The following ARB2A variants were observed in gnomAD, a reference collection of about 807,000 sequenced individuals.
ARB2A encodes ARB2 cotranscriptional regulator A, also known as cotranscriptional regulator ARB2A.
At chr5:94,024,596 G>C in the ARB2A span, among the ~76,000 whole-genome samples, 1 of 152,000 alleles carries the variant, frequency 6.6e-6, no homozygotes, top group African/African-American at 2.4e-5. Flanking sequence ...AGTAAAGGTA[G>C]AACGATATAT....
At chr5:93,906,183 A>G in the ARB2A span, among the ~76,000 whole-genome samples, 1 of 151,566 alleles carries the variant, frequency 6.6e-6, no homozygotes, top group Non-Finnish European at 1.5e-5. Context: ...AAAAACATAG[A>G]TTACAAAATC....
chr5:93,707,760 A>G, the ARB2A span, among the ~76,000 whole-genome samples: 12 of 151,940 alleles, frequency 7.9e-5, no homozygotes, highest in Non-Finnish European at 2.9e-5. Context: ...TGTTTAGTAG[A>G]GAAGGGGTTT....
the ARB2A span, among the ~76,000 whole-genome samples, chr5:94,099,139 T>G: frequency 6.6e-6 from 1 of 152,152 alleles, no homozygotes; most frequent in African/African-American, 2.4e-5. Flanking sequence ...GGGGCCAGCA[T>G]CACCTTGATC....
the ARB2A span, among the ~76,000 whole-genome samples, chr5:93,997,801 A>C: frequency 6.6e-6 from 1 of 152,176 alleles, no homozygotes. Flanking sequence ...TCCATGACTT[A>C]TACTAGTGTT....
chr5:93,820,818 A>C, the ARB2A span, among the ~76,000 whole-genome samples: 2 of 152,282 alleles, frequency 1.3e-5, no homozygotes, highest in Admixed American at 1.3e-4. Flanking sequence ...TCTTATCAAA[A>C]TTTATTTTTA....
the ARB2A span, among the ~76,000 whole-genome samples, chr5:93,822,726 T>C: frequency 1.3e-5 from 2 of 151,998 alleles, no homozygotes; most frequent in African/African-American, 2.4e-5. Context: ...TACATCATAG[T>C]AGTGTGCTAA....
At chr5:94,096,211 T>C in the ARB2A span, among the ~76,000 whole-genome samples, 5 of 152,184 alleles carry the variant, frequency 3.3e-5, no homozygotes, top group Admixed American at 3.3e-4. Context: ...AATCTAACCA[T>C]CAATCTTTTC....
At chr5:94,041,377 G>C in the ARB2A span, among the ~76,000 whole-genome samples, 1 of 152,106 alleles carries the variant, frequency 6.6e-6, no homozygotes, top group African/African-American at 2.4e-5. Context: ...CCACGTGGCC[G>C]TGCTTTCTCT....
At chr5:93,904,798 C>G in the ARB2A span, among the ~76,000 whole-genome samples, 1 of 151,648 alleles carries the variant, frequency 6.6e-6, no homozygotes, top group Non-Finnish European at 1.5e-5. Flanking sequence ...AGATTCTGAA[C>G]TCTTAAAAAT....
the ARB2A span, among the ~76,000 whole-genome samples, chr5:93,836,701 C>CT: frequency 6.6e-6 from 1 of 151,942 alleles, no homozygotes; most frequent in Non-Finnish European, 1.5e-5. Context: ...GATTAAAGTA[C>CT]TAGGTGTATA....
the ARB2A span, chr5:93,781,882 T>C: frequency 1.0e-6 from 1 of 985,398 alleles, no homozygotes; most frequent in Non-Finnish European, 1.2e-6. Context: ...CCAACACCCA[T>C]GCTTAAGACA....
the ARB2A span, among the ~76,000 whole-genome samples, chr5:94,012,841 A>G: frequency 6.6e-6 from 1 of 152,252 alleles, no homozygotes; most frequent in Non-Finnish European, 1.5e-5. Context: ...TCACAAGGAG[A>G]CAGGAGCATC....
the ARB2A span, among the ~76,000 whole-genome samples, chr5:94,101,867 T>C: frequency 6.6e-5 from 10 of 151,820 alleles, no homozygotes; most frequent in African/African-American, 2.4e-4. Context: ...CTGGGTGATG[T>C]AGTAATATGT....
the ARB2A span, among the ~76,000 whole-genome samples, chr5:93,811,659 G>A: frequency 6.6e-6 from 1 of 151,964 alleles, no homozygotes; most frequent in African/African-American, 2.4e-5. Flanking sequence ...ACTTTTAACG[G>A]GAAAAATATA....
At chr5:93,656,664 T>G in the ARB2A span, among the ~76,000 whole-genome samples, 1 of 152,174 alleles carries the variant, frequency 6.6e-6, no homozygotes, top group African/African-American at 2.4e-5. Flanking sequence ...AATAGATTTT[T>G]AAAAGAAACA....
chr5:93,900,741 A>G, the ARB2A span, among the ~76,000 whole-genome samples: 2 of 152,176 alleles, frequency 1.3e-5, no homozygotes, highest in Non-Finnish European at 2.9e-5. Context: ...GACAAACAAT[A>G]TTCACATAAG....
chr5:93,946,232 CAA>C, the ARB2A span, among the ~76,000 whole-genome samples: 1 of 151,896 alleles, frequency 6.6e-6, no homozygotes, highest in East Asian at 1.9e-4. Context: ...ATATTGAAGA[CAA>C]GAGAGAAACT....
chr5:93,788,053 C>G, the ARB2A span, among the ~76,000 whole-genome samples: 29 of 152,166 alleles, frequency 1.9e-4, no homozygotes, highest in Non-Finnish European at 1.3e-4. Flanking sequence ...CATAATTAAT[C>G]TGTTCTTTCC....
chr5:93,621,213 G>C, the ARB2A span: 9 of 1,333,244 alleles, frequency 6.8e-6, no homozygotes, highest in Non-Finnish European at 8.8e-6. Context: ...CCGAGCCCCG[G>C]CTCCCGACCA....
Sources: allele counts gnomAD v4.1 joint callset (sites outside exome capture counted in the v4.1 genomes callset), GRCh38; gene constraint gnomAD v4.1.1; transcripts MANE v1.5; gene names NCBI Gene and HGNC (gene_info 2026-07-23, HGNC 2026-07-21).